The following FOCAD variants were observed in gnomAD, a reference collection of about 807,000 sequenced individuals.
The protein encoded by FOCAD is focadhesin.
A neutral mutation model predicts 225.6 loss-of-function variants in FOCAD; 198 were observed. That is an observed-to-expected ratio of 0.88 (90% CI 0.78 to 0.99). The LOEUF is 0.99. Ranked by LOEUF, FOCAD falls within the 50% of genes least tolerant of loss-of-function variation. The probability of loss-of-function intolerance (pLI) is 0.00; values close to 1 mark genes in which losing one functional copy is unlikely to be tolerated. For missense variants in FOCAD, 2,713 were observed against 2,123.6 expected (o/e 1.28, Z -5.46); for synonymous variants, 897 against 755.0 (o/e 1.19, Z -3.08).
At chr9:20,656,594 T>C (rs1482931387), upstream of FOCAD, among the ~76,000 whole-genome samples, 1 of 151,762 alleles carries the variant, frequency 6.6e-6, no homozygotes, top group Admixed American at 6.6e-5. Flanking sequence ...AGACTAGTAT[T>C]GCAACCCCTG....
In FOCAD at chr9:20,839,906, T is replaced by C. The variant is rs567665523; in HGVS notation, c.1920+16791T>C. On this transcript the variant is annotated intron_variant, in intron 15 of 43. Coordinates refer to ENST00000338382, the MANE Select transcript of FOCAD (RefSeq NM_001375567.1). ...TATCCAGCTTTCTCAGCACTATTTA[T>C]TGAGGTGACTATCCTTTCCCCAGTG... 2.6e-5 allele frequency among the ~76,000 whole-genome samples: 4 copies of C among 152,308 alleles called. No individual in the cohort carries two copies. In the East Asian group the frequency reaches 7.7e-4, roughly 29 times the overall value.
intron 24 of FOCAD, among the ~76,000 whole-genome samples, chr9:20,921,209 G>A (rs1834393583): frequency 6.6e-6 from 1 of 152,102 alleles, no homozygotes; most frequent in Admixed American, 6.5e-5. Flanking sequence ...GAAGTATTGA[G>A]TCACTTTACT....
At chr9:20,949,700 TGGGTG>T in intron 33 of FOCAD, 25 bp downstream of exon 33, 2 of 1,573,732 alleles carry the variant, frequency 1.3e-6, no homozygotes, top group Non-Finnish European at 1.7e-6. Flanking sequence ...TTAAAATCCT[TGGGTG>T]GAAAACATAT....
intron 6 of FOCAD, among the ~76,000 whole-genome samples, chr9:20,762,470 A>G (rs527646229): frequency 6.6e-6 from 1 of 152,294 alleles, no homozygotes; most frequent in Middle Eastern, 3.4e-3. Flanking sequence ...TTTTGTTTCC[A>G]TCATGTAGAT....
chr9:20,941,382 A>C (rs1233706817), intron 28 of FOCAD, among the ~76,000 whole-genome samples: 2 of 152,184 alleles, frequency 1.3e-5, no homozygotes, highest in African/African-American at 4.8e-5. Flanking sequence ...AAATGCGATA[A>C]CATTTGTATA....
intron 18 of FOCAD, chr9:20,874,216 C>G (rs1052111990): frequency 1.3e-5 from 2 of 152,602 alleles, no homozygotes; most frequent in African/African-American, 4.8e-5. Context: ...TCCCTGAGCT[C>G]TACTGTATAT....
At chr9:20,859,634 T>A (rs1267322838) in intron 15 of FOCAD, among the ~76,000 whole-genome samples, 1 of 148,558 alleles carries the variant, frequency 6.7e-6, no homozygotes, top group Non-Finnish European at 1.5e-5. Flanking sequence ...TAAAAAAATT[T>A]ATTTTGAAAT....
chr9:20,892,260 C>A (rs184731829), intron 21 of FOCAD, among the ~76,000 whole-genome samples: 24 of 152,234 alleles, frequency 1.6e-4, no homozygotes, highest in Non-Finnish European at 2.8e-4. Context: ...GCCCATGGAT[C>A]AAGGAGTAAT....
intron 1 of FOCAD, among the ~76,000 whole-genome samples, chr9:20,701,751 G>A (rs1823971273): frequency 6.6e-6 from 1 of 152,326 alleles, no homozygotes; most frequent in African/African-American, 2.4e-5. Flanking sequence ...CAATTTTTAT[G>A]TTTTGTGCTC....
intron 28 of FOCAD, among the ~76,000 whole-genome samples, chr9:20,939,448 A>C (rs976147396): frequency 3.9e-5 from 6 of 152,194 alleles, no homozygotes; most frequent in Admixed American, 1.3e-4. Context: ...AAAATGTGAG[A>C]TTAAGATGCC....
At chr9:20,919,408 C>G (rs1167833996) in intron 24 of FOCAD, among the ~76,000 whole-genome samples, 1 of 152,148 alleles carries the variant, frequency 6.6e-6, no homozygotes, top group Admixed American at 6.5e-5. Context: ...TTTATAGATT[C>G]AATGCCATCC....
At chr9:20,779,676 G>A (rs989464503) in intron 9 of FOCAD, among the ~76,000 whole-genome samples, 2 of 152,016 alleles carry the variant, frequency 1.3e-5, no homozygotes, top group South Asian at 2.1e-4. Flanking sequence ...CCTGAACCCC[G>A]GAGGCAGAGG....
At chr9:20,799,498 C>A (rs895689564) in intron 11 of FOCAD, among the ~76,000 whole-genome samples, 3 of 152,152 alleles carry the variant, frequency 2.0e-5, no homozygotes, top group African/African-American at 7.2e-5. Flanking sequence ...CTTTCTAGGT[C>A]TCTAAGGTCC....
At chr9:20,692,869 G>A (rs1331072592) in intron 1 of FOCAD, among the ~76,000 whole-genome samples, 1 of 152,076 alleles carries the variant, frequency 6.6e-6, no homozygotes, top group Non-Finnish European at 1.5e-5. Context: ...TTTTTCTGAG[G>A]GGGTGCAGCA....
chr9:20,696,881 A>G (rs1320584142), intron 1 of FOCAD, among the ~76,000 whole-genome samples: 1 of 152,096 alleles, frequency 6.6e-6, no homozygotes, highest in Non-Finnish European at 1.5e-5. Context: ...GGTGATTGTC[A>G]TGAGGGTGCT....
chr9:20,716,998 A>G (rs900019108), intron 2 of FOCAD, among the ~76,000 whole-genome samples: 2 of 152,236 alleles, frequency 1.3e-5, no homozygotes, highest in Admixed American at 6.5e-5. Context: ...GAAATATGGT[A>G]TGTTTTGTAA....
intron 1 of FOCAD, among the ~76,000 whole-genome samples, chr9:20,706,321 T>A (rs1485407267): frequency 6.6e-6 from 1 of 152,150 alleles, no homozygotes; most frequent in Non-Finnish European, 1.5e-5. Context: ...TTTGATCTTA[T>A]TTTAGGCTCC....
chr9:20,992,491 GAA>G (rs1015258177), intron 42 of FOCAD, among the ~76,000 whole-genome samples: 2 of 152,218 alleles, frequency 1.3e-5, no homozygotes, highest in African/African-American at 4.8e-5. Flanking sequence ...ATGATGCAAA[GAA>G]AGAGCATAGG....
At chr9:20,962,510 A>G (rs1838843500) in intron 35 of FOCAD, among the ~76,000 whole-genome samples, 1 of 152,110 alleles carries the variant, frequency 6.6e-6, no homozygotes, top group Admixed American at 6.6e-5. Context: ...GGAGAAAGTA[A>G]AGATATGTCC....
Sources: allele counts gnomAD v4.1 joint callset (sites outside exome capture counted in the v4.1 genomes callset), GRCh38; gene constraint gnomAD v4.1.1; transcripts MANE v1.5; gene names NCBI Gene and HGNC (gene_info 2026-07-23, HGNC 2026-07-21).